SV2C: variants seen among roughly 807,000 people sequenced by gnomAD.
The protein encoded by SV2C is solute carrier family 22 member B3.
Under a neutral mutation model 79.7 loss-of-function variants are expected in SV2C, and 49 were observed. The observed-to-expected ratio is 0.61, with a 90% CI of 0.49 to 0.78. The LOEUF (loss-of-function observed/expected upper bound fraction) is 0.78. Among genes scored for constraint, SV2C ranks in the 30% least tolerant of loss-of-function variants. The pLI, the probability that SV2C is intolerant of heterozygous loss-of-function variation, is 0.00. For missense variants in SV2C, 833 were observed against 912.9 expected, an observed-to-expected ratio of 0.91 and a Z score of 1.13; for synonymous variants, 334 against 333.2, an observed-to-expected ratio of 1.00 and a Z score of -0.03.
intron 4 of SV2C, among the ~76,000 whole-genome samples, chr5:76,237,141 A>T (rs1257905010): frequency 6.6e-6 from 1 of 152,162 alleles, no homozygotes; most frequent in Non-Finnish European, 1.5e-5. Context: ...AGTCGTGGGT[A>T]TTTCTTCATA....
intron 9 of SV2C, among the ~76,000 whole-genome samples, chr5:76,296,775 A>G (rs1747783700): frequency 6.6e-6 from 1 of 152,216 alleles, no homozygotes; most frequent in South Asian, 2.1e-4. Flanking sequence ...GATGCTTATG[A>G]TCTATGTAAT....
the SV2C span, among the ~76,000 whole-genome samples, chr5:75,974,572 C>T: frequency 1.3e-5 from 2 of 152,052 alleles, no homozygotes; most frequent in Admixed American, 6.6e-5. Context: ...AATCCTTTTA[C>T]CTGATTGATT....
intron 2 of SV2C, among the ~76,000 whole-genome samples, chr5:76,155,541 G>A (rs1742697416): frequency 6.6e-6 from 1 of 152,138 alleles, no homozygotes; most frequent in Non-Finnish European, 1.5e-5. Flanking sequence ...CTGTTTTTGA[G>A]ACTAAGTTCC....
the SV2C span, among the ~76,000 whole-genome samples, chr5:75,917,126 C>T: frequency 1.3e-5 from 2 of 152,226 alleles, no homozygotes; most frequent in South Asian, 2.1e-4. Flanking sequence ...CCTGGGATCA[C>T]CTCCCAGTGA....
chr5:76,172,018 C>T (rs1251493827), intron 2 of SV2C, among the ~76,000 whole-genome samples: 1 of 122,904 alleles, frequency 8.1e-6, no homozygotes. Context: ...GCCAGCCGCC[C>T]CGTCTGGGAG....
the SV2C span, chr5:75,920,843 G>C: frequency 1.3e-6 from 1 of 762,314 alleles, no homozygotes; most frequent in East Asian, 2.5e-5. Context: ...TGGTCAGCTT[G>C]TCCACAGGGT....
At chr5:76,120,301 C>T (rs1196430193) in intron 1 of SV2C, among the ~76,000 whole-genome samples, 6 of 148,824 alleles carry the variant, frequency 4.0e-5, no homozygotes, top group East Asian at 2.0e-4. Context: ...TTTTCAGCTA[C>T]GCATCAAAGA....
At chr5:76,024,451 T>C in the SV2C span, among the ~76,000 whole-genome samples, 107 of 152,346 alleles carry the variant, frequency 7.0e-4, 2 homozygotes, top group African/African-American at 2.6e-3. Flanking sequence ...TCATGTTCCA[T>C]GAAACCAATT....
chr5:76,335,752 C>A (rs1198467822), downstream of SV2C, among the ~76,000 whole-genome samples: 3 of 152,144 alleles, frequency 2.0e-5, no homozygotes, highest in African/African-American at 7.2e-5. Flanking sequence ...GGTCACAGAT[C>A]AACAGGATCA....
the SV2C span, among the ~76,000 whole-genome samples, chr5:75,923,420 CA>C: frequency 6.6e-6 from 1 of 152,018 alleles, no homozygotes; most frequent in East Asian, 1.9e-4. Context: ...AACAACAAAA[CA>C]GGACCTAATT....
intron 12 of SV2C, among the ~76,000 whole-genome samples, chr5:76,351,137 T>A (rs951976691): frequency 6.6e-6 from 1 of 152,178 alleles, no homozygotes; most frequent in African/African-American, 2.4e-5. Context: ...GAGGCGGCCA[T>A]TGACCTGAAT....
the SV2C span, among the ~76,000 whole-genome samples, chr5:76,007,502 C>A: frequency 6.6e-6 from 1 of 152,084 alleles, no homozygotes; most frequent in Non-Finnish European, 1.5e-5. Context: ...CATGGGTATT[C>A]AATAAACATT....
the SV2C span, among the ~76,000 whole-genome samples, chr5:76,017,436 A>G: frequency 0.8 from 121,425 of 151,810 alleles, 49,002 homozygotes; most frequent in Middle Eastern, 0.9. Context: ...ACATGTGTGC[A>G]CCACCATACC....
the SV2C span, among the ~76,000 whole-genome samples, chr5:75,901,709 G>T: frequency 1.6e-4 from 24 of 152,364 alleles, no homozygotes; most frequent in African/African-American, 4.8e-4. Context: ...TACAGAGGCA[G>T]GCAGGCCTCC....
chr5:76,348,659 C>G (rs1749588479), intron 12 of SV2C, among the ~76,000 whole-genome samples: 1 of 152,108 alleles, frequency 6.6e-6, no homozygotes, highest in Non-Finnish European at 1.5e-5. Flanking sequence ...AGTAATGTGA[C>G]TCTATATAAT....
upstream of SV2C, among the ~76,000 whole-genome samples, chr5:76,081,005 A>G (rs1746977782): frequency 1.3e-5 from 2 of 152,212 alleles, no homozygotes; most frequent in African/African-American, 4.8e-5. Flanking sequence ...CATGTCCTCC[A>G]AAGACACAAC....
At chr5:76,157,441 A>G (rs537210805) in intron 2 of SV2C, among the ~76,000 whole-genome samples, 42 of 152,042 alleles carry the variant, frequency 2.8e-4, no homozygotes, top group Admixed American at 4.6e-4. Context: ...AAGTAACTTC[A>G]CACAATAATC....
chr5:76,307,338 C>G (rs1171153247), intron 12 of SV2C, among the ~76,000 whole-genome samples: 1 of 152,154 alleles, frequency 6.6e-6, no homozygotes, highest in Admixed American at 6.6e-5. Flanking sequence ...CTAAAGAGAG[C>G]AGATACAGAG....
the SV2C span, among the ~76,000 whole-genome samples, chr5:76,074,386 C>T: frequency 2.0e-5 from 3 of 152,232 alleles, no homozygotes; most frequent in African/African-American, 7.2e-5. Flanking sequence ...CCAGATGCCA[C>T]ATTTACTGAG....
Sources: allele counts gnomAD v4.1 joint callset (sites outside exome capture counted in the v4.1 genomes callset), GRCh38; gene constraint gnomAD v4.1.1; transcripts MANE v1.5; gene names NCBI Gene and HGNC (gene_info 2026-07-23, HGNC 2026-07-21).